AKNA: variants seen among roughly 807,000 people sequenced by gnomAD.
The protein encoded by AKNA is AT-hook transcription factor.
Under a neutral mutation model 138.8 loss-of-function variants are expected in AKNA, and 67 were observed. The ratio of observed to expected loss-of-function variants is 0.48; its 90% CI spans 0.40 to 0.59. The LOEUF (loss-of-function observed/expected upper bound fraction) is 0.59. Ranked by LOEUF, AKNA falls within the 20% of genes least tolerant of loss-of-function variation. The probability of loss-of-function intolerance (pLI) is 0.00; values close to 1 mark genes in which losing one functional copy is unlikely to be tolerated. For synonymous variants in AKNA, 737 were observed against 754.4 expected, an observed-to-expected ratio of 0.98 and a Z score of 0.38; for missense variants, 1,813 against 1,880.4, an observed-to-expected ratio of 0.96 and a Z score of 0.66.
In AKNA at chr9:114,374,077, C is replaced by G; in HGVS notation, c.1416+16G>C. ...GGGACTTGGGCCCATGCCTCCACCC[C>G]ATCCCGGCCTGGTACCTTGGCCCCG... On this transcript the variant is annotated intron_variant, in intron 4 of 21. Transcript: ENST00000374088. 3 of 1,552,992 alleles carry G rather than the reference C, an allele frequency of 1.9e-6. No homozygotes were observed. Among genetic ancestry groups the G allele is most frequent in the Non-Finnish European group, 1.7e-6 (2 of 1,147,692 alleles).
At position 114,359,811 on chromosome 9, in the gene AKNA, A is replaced by C; in HGVS notation, c.2292-17T>G. The C allele has an allele frequency of 6.2e-7, 1 of 1,604,132 alleles. No individual in the cohort carries two copies. The highest frequency in any genetic ancestry group is 8.5e-7 in the Non-Finnish European group (1 of 1,174,644). On this transcript the variant is annotated splice_polypyrimidine_tract_variant and intron_variant, in intron 10 of 21. Transcript: ENST00000374088. Reference sequence around the variant, plus strand: ...CTGAGGTACCTGCAGAAGAACACACAGAGGGGCATGACCTCTGCCCAGTGG... The same window carrying C: ...CTGAGGTACCTGCAGAAGAACACACCGAGGGGCATGACCTCTGCCCAGTGG...
chr9:114,340,645 G>A (rs542920262), intron 21 of AKNA, among the ~76,000 whole-genome samples: 2 of 152,192 alleles, frequency 1.3e-5, no homozygotes, highest in Admixed American at 6.5e-5. Context: ...GAGGCTCTGA[G>A]AGGAAGTTAG....
Position 114,359,792 on chromosome 9 carries a change from T to A in AKNA, c.2294A>T (p.Tyr765Phe), listed in dbSNP as rs1588978218. Residue 765 changes from tyrosine (Y) to phenylalanine (F), a missense_variant and splice_region_variant, in exon 11 of 22, where the codon TAC (tyrosine) becomes TTC (phenylalanine). By Grantham distance (22) the Tyr-to-Phe change is conservative. Transcript: ENST00000374088. ...EQVYHGLMER[Y>F]LSVKSLPEAM... ...TTCTGGGAGAGACTTCACACTGAGG[T>A]ACCTGCAGAAGAACACACAGAGGGG... is the stretch of plus-strand genomic sequence containing the variant. 6.3e-7 allele frequency: 1 copy of A among 1,599,874 alleles called. No individual in the cohort carries two copies. Among genetic ancestry groups the A allele is most frequent in the Admixed American group, 1.7e-5 (1 of 59,458 alleles).
intron 4 of AKNA, among the ~76,000 whole-genome samples, chr9:114,373,794 GAGGATCCCTTGAGCCC>G (rs1362101776): frequency 6.6e-6 from 1 of 150,540 alleles, no homozygotes; most frequent in Non-Finnish European, 1.5e-5. Flanking sequence ...GCTGAAGCAA[GAGGATCCCTTGAGCCC>G]AGGAGGTTGA....
upstream of AKNA, among the ~76,000 whole-genome samples, chr9:114,389,452 G>T (rs1378911897): frequency 6.6e-6 from 1 of 152,168 alleles, no homozygotes; most frequent in Admixed American, 6.5e-5. Flanking sequence ...AGTCACTGTG[G>T]ACCTGGGTTC....
intron 14 of AKNA, 51 bp downstream of exon 14, chr9:114,355,874 T>A (rs1393205074): frequency 1.3e-6 from 2 of 1,564,430 alleles, no homozygotes; most frequent in Non-Finnish European, 8.7e-7. Context: ...AGTTTTTCTA[T>A]TTGATTTTTC....
At chr9:114,331,509 A>T, downstream of AKNA, 1 of 1,412,958 alleles carries the variant, frequency 7.1e-7, no homozygotes, top group Non-Finnish European at 1.0e-6. Context: ...CTCACCTGTA[A>T]GACAGGCACC....
At chr9:114,356,816 T>A in intron 13 of AKNA, 47 bp downstream of exon 13, 1 of 1,477,146 alleles carries the variant, frequency 6.8e-7, no homozygotes, top group Non-Finnish European at 9.0e-7. Context: ...TCCCAGGCTG[T>A]CCCAGGAATG....
downstream of AKNA, chr9:114,331,433 C>T (rs535332859): frequency 7.1e-5 from 48 of 671,518 alleles, no homozygotes; most frequent in South Asian, 8.4e-4. Context: ...GCTGGGCACA[C>T]GGTGGCCCAA....
At chr9:114,397,214 C>T (rs1834561260), upstream of AKNA, among the ~76,000 whole-genome samples, 1 of 152,218 alleles carries the variant, frequency 6.6e-6, no homozygotes, top group Admixed American at 6.5e-5. Context: ...CCCAAAACAC[C>T]ATAGGTTCCG....
At chr9:114,334,020 T>C (rs1829909418), downstream of AKNA, 1 of 131,596 alleles carries the variant, frequency 7.6e-6, no homozygotes. Context: ...CCCTTCGCTC[T>C]GTCTCTCCTG....
chr9:114,346,541 TC>T, intron 17 of AKNA, 127 bp downstream of exon 17: 1 of 688,982 alleles, frequency 1.5e-6, no homozygotes. Flanking sequence ...CACTATAATA[TC>T]CTAAAACAGA....
At chr9:114,384,661 T>C (rs1213436321) in intron 1 of AKNA, among the ~76,000 whole-genome samples, 1 of 152,206 alleles carries the variant, frequency 6.6e-6, no homozygotes, top group Non-Finnish European at 1.5e-5. Context: ...TTCTTTTCTC[T>C]GGCTTACTTT....
At chr9:114,350,420 C>T (rs1385499342) in intron 15 of AKNA, among the ~76,000 whole-genome samples, 1 of 152,136 alleles carries the variant, frequency 6.6e-6, no homozygotes, top group Non-Finnish European at 1.5e-5. Flanking sequence ...GCGATTTTAC[C>T]ATTTCTGTTC....
At chr9:114,392,169 G>T (rs1007503325), upstream of AKNA, among the ~76,000 whole-genome samples, 1 of 151,102 alleles carries the variant, frequency 6.6e-6, no homozygotes, top group African/African-American at 2.4e-5. Flanking sequence ...AGGATTTCCA[G>T]AGTGAACCAA....
chr9:114,332,467 T>C (rs1017845816), downstream of AKNA, among the ~76,000 whole-genome samples: 11 of 149,524 alleles, frequency 7.4e-5, no homozygotes, highest in Non-Finnish European at 1.3e-4. Flanking sequence ...CCCTGTGCCC[T>C]AATACCTGTG....
At chr9:114,361,322 T>C (rs1372215073) in intron 9 of AKNA, among the ~76,000 whole-genome samples, 2 of 152,218 alleles carry the variant, frequency 1.3e-5, no homozygotes, top group Non-Finnish European at 2.9e-5. Context: ...TCAGGTCTCA[T>C]TTAAACATGA....
chr9:114,377,330 G>C lies in AKNA; in HGVS notation c.477C>G (p.Ser159Arg), dbSNP rs1564655323. Residue 159 changes from serine (S) to arginine (R), a missense_variant, in exon 3 of 22, where the codon AGC becomes AGG. Transcript: ENST00000374088. ...GLSLEGHGNT[S>R]PMALGHGQAR... ...CCTGACCATGCCCAAGAGCCATGGG[G>C]CTGGTGTTTCCATGGCCTTCCAAGC... 3 of 1,614,076 alleles carry C rather than the reference G, an allele frequency of 1.9e-6. No individual in the cohort carries two copies. The South Asian group carries it at 3.3e-5, about 18-fold the overall frequency.
intron 21 of AKNA, among the ~76,000 whole-genome samples, chr9:114,340,154 G>A (rs879839833): frequency 3.3e-5 from 5 of 152,152 alleles, no homozygotes; most frequent in Admixed American, 1.3e-4. Context: ...CCTGGTCCCC[G>A]AATAGAGGAC....
Sources: allele counts gnomAD v4.1 joint callset (sites outside exome capture counted in the v4.1 genomes callset), GRCh38; gene constraint gnomAD v4.1.1; transcripts MANE v1.5; gene names NCBI Gene and HGNC (gene_info 2026-07-23, HGNC 2026-07-21).